Variants in SHMT2 observed in about 807,000 individuals in gnomAD.
The protein encoded by SHMT2 is serine hydroxymethyltransferase 2, also known as serine hydroxymethyltransferase, mitochondrial.
SHMT2 carries 38 observed loss-of-function variants against 59.6 expected under a neutral mutation model. The ratio of observed to expected loss-of-function variants is 0.64; its 90% CI spans 0.49 to 0.84. SHMT2 has a LOEUF of 0.84. Among genes scored for constraint, SHMT2 ranks in the 40% least tolerant of loss-of-function variants. SHMT2 has a pLI of 0.00. For missense variants in SHMT2, 533 were observed against 659.5 expected, an observed-to-expected ratio of 0.81 and a Z score of 2.10; for synonymous variants, 254 against 258.1, an observed-to-expected ratio of 0.98 and a Z score of 0.15.
At chr12:57,233,394 C>A in intron 8 of SHMT2, 49 bp downstream of exon 8, 1 of 1,547,734 alleles carries the variant, frequency 6.5e-7, no homozygotes. Context: ...GGCCTGGAGG[C>A]TTAGACCCTG....
chr12:57,230,504 G>A, intron 1 of SHMT2: 4 of 1,274,802 alleles, frequency 3.1e-6, no homozygotes, highest in Non-Finnish European at 4.0e-6. Flanking sequence ...CCTCTCTGGA[G>A]TTGGGGAGAC....
At chr12:57,233,943 C>T (rs1206265850) in intron 10 of SHMT2, 39 bp downstream of exon 10, 3 of 1,614,098 alleles carry the variant, frequency 1.9e-6, no homozygotes, top group Non-Finnish European at 2.5e-6. Context: ...GGCTCCCATG[C>T]TGGATGACTG....
Position 57,234,434 on chromosome 12 carries a change from A to G in SHMT2, c.*73A>G. ...CCCTACCTGGGCCAGTGAAATAGAA[A>G]GCCTTTCTATTTTTTGGTGCGGGAG... On this transcript the variant is annotated 3_prime_UTR_variant, in exon 12 of 12. Coordinates refer to ENST00000328923, the MANE Select transcript of SHMT2 (RefSeq NM_005412.6). The G allele has an allele frequency of 1.3e-6, 2 of 1,486,994 alleles. No homozygotes were observed. The highest frequency in any genetic ancestry group is 1.8e-6 in the Non-Finnish European group (2 of 1,115,892). The allele number at this position is 1,486,994 out of a possible 1,614,324, so 92.1% of individuals were successfully genotyped here.
intron 7 of SHMT2, 141 bp downstream of exon 7, chr12:57,232,984 C>A: frequency 7.5e-7 from 1 of 1,324,998 alleles, no homozygotes; most frequent in Non-Finnish European, 1.0e-6. Context: ...TTCTCCTTCT[C>A]TTGCCCATGG....
In SHMT2 at chr12:57,234,298, C is replaced by A; in HGVS notation, c.1452C>A (p.Asn484Lys). 1 of 1,613,834 alleles carries A rather than the reference C, an allele frequency of 6.2e-7. No homozygotes were observed. Among genetic ancestry groups the A allele is most frequent in the Non-Finnish European group, 8.5e-7 (1 of 1,179,846 alleles). ...CAGAAACAAGTCAGCGTCTGGCCAACCTCAGGCAACGGGTGGAGCAGTTTG... is the reference window on the plus strand; with the variant it reads ...CAGAAACAAGTCAGCGTCTGGCCAAACTCAGGCAACGGGTGGAGCAGTTTG... ...KDSETSQRLA[N>K]LRQRVEQFAR... The change falls in exon 12 of 12, where the codon AAC becomes AAA. Residue 484 changes from asparagine (N) to lysine (K), a missense_variant. Physicochemically the swap from Asn to Lys is moderately conservative, Grantham distance 94. Coordinates refer to ENST00000328923, the MANE Select transcript of SHMT2 (RefSeq NM_005412.6).
At position 57,234,445 on chromosome 12, in the gene SHMT2, T is replaced by A. The variant is rs770457966; in HGVS notation, c.*84T>A. 1 of 1,464,610 alleles carries A rather than the reference T, an allele frequency of 6.8e-7. No homozygotes were observed. Among genetic ancestry groups the A allele is most frequent in the Admixed American group, 2.4e-5 (1 of 41,520 alleles). The allele number at this position is 1,464,610 out of a possible 1,614,324, so 90.7% of individuals were successfully genotyped here. ...CCAGTGAAATAGAAAGCCTTTCTAT[T>A]TTTTGGTGCGGGAGGGAAGACCTCT... On this transcript the variant is annotated 3_prime_UTR_variant, in exon 12 of 12. Transcript: ENST00000328923.
At chr12:57,233,697 G>C (rs2136795001) in intron 9 of SHMT2, 35 bp downstream of exon 9, 1 of 1,612,420 alleles carries the variant, frequency 6.2e-7, no homozygotes, top group South Asian at 1.1e-5. Context: ...GGCCTCTGTA[G>C]CTTCAGGCAG....
chr12:57,231,467 C>T lies in SHMT2; in HGVS notation c.232-14C>T. On this transcript the variant is annotated splice_polypyrimidine_tract_variant and intron_variant, in intron 2 of 11. Transcript: ENST00000328923. ...GGGCTCAATACCTTCTGACATTGCC[C>T]CCCACCACCCCAGAACTTCTGCAGC... The T allele has an allele frequency of 1.9e-6, 3 of 1,613,156 alleles. No individual in the cohort carries two copies. Among genetic ancestry groups the T allele is most frequent in the Non-Finnish European group, 1.7e-6 (2 of 1,179,572 alleles).
In SHMT2 at chr12:57,233,871, C is replaced by T. The variant is rs558698064; in HGVS notation, c.1246C>T (p.Arg416Ter). ...TANKNTCPGD[R>*]SAITPGGLRL... ...CAACAAGAACACCTGTCCTGGAGAC[C>T]GAAGTGCCATCACACCGGGCGGCCT... Residue 416 changes from arginine to a stop codon, truncating the protein, a stop_gained, in exon 10 of 12, where the codon CGA (arginine) becomes TGA (stop). Coordinates refer to ENST00000328923, the MANE Select transcript of SHMT2 (RefSeq NM_005412.6). LOFTEE classifies it high-confidence loss of function. The T allele has an allele frequency of 3.7e-6, 6 of 1,614,176 alleles. No homozygotes were observed. The highest frequency in any genetic ancestry group is 1.1e-5 in the South Asian group (1 of 91,084).
rs1351199927 is a variant in SHMT2, at chr12:57,230,787, C to G, written c.34-16C>G. 1 of 1,613,254 alleles carries G rather than the reference C, an allele frequency of 6.2e-7. No homozygotes were observed. On this transcript the variant is annotated splice_polypyrimidine_tract_variant and intron_variant, in intron 1 of 11. Coordinates refer to ENST00000328923, the MANE Select transcript of SHMT2 (RefSeq NM_005412.6). Reference sequence around the variant, plus strand: ...CTGGACTGTTGTGATTTCACCCTGACTTTTCCTGCCTTCAGCCTCTGCAGA... The same window carrying G: ...CTGGACTGTTGTGATTTCACCCTGAGTTTTCCTGCCTTCAGCCTCTGCAGA...
intron 1 of SHMT2, 160 bp from the exon 2 acceptor site, chr12:57,230,643 C>T (rs2037274621): frequency 9.6e-6 from 14 of 1,454,922 alleles, no homozygotes; most frequent in Non-Finnish European, 1.3e-5. Flanking sequence ...AGCTTGGCTC[C>T]AGAACTGGCT....
In SHMT2 at chr12:57,232,554, T is replaced by A; in HGVS notation, c.696T>A (p.Ile232=). 6.2e-7 allele frequency: 1 copy of A among 1,614,170 alleles called. No homozygotes were observed. Among genetic ancestry groups the A allele is most frequent in the Non-Finnish European group, 8.5e-7 (1 of 1,180,000 alleles). ...GCACCAGCGCCTATGCTCGCCTCAT[T>A]GACTACGCCCGCATGAGAGAGGTTG... ...IAGTSAYARL[I]DYARMREVCD... The change falls in exon 6 of 12, where the codon ATT becomes ATA. Residue 232 remains isoleucine (I), a synonymous_variant. Coordinates refer to ENST00000328923, the MANE Select transcript of SHMT2 (RefSeq NM_005412.6).
chr12:57,230,186 C>T (rs1471172399), intron 1 of SHMT2: 1 of 1,292,008 alleles, frequency 7.7e-7, no homozygotes, highest in South Asian at 1.3e-5. Flanking sequence ...AACCGAGCTT[C>T]ACTGCTTGCA....
At chr12:57,229,935 G>T (rs2037243684) in intron 1 of SHMT2, 124 bp downstream of exon 1, 10 of 1,498,046 alleles carry the variant, frequency 6.7e-6, no homozygotes, top group African/African-American at 1.4e-5. Flanking sequence ...GGGCCTCAGG[G>T]AGCGGACGTG....
rs770462073 is a variant in SHMT2 at position 57,231,793 on chromosome 12, C to T, written c.392C>T (p.Pro131Leu). ...RRALEAFDLD[P>L]AQWGVNVQPY... ...GCCTTGGAAGCCTTTGACCTGGATC[C>T]TGCACAGTGGGGAGTCAATGTCCAG... The change falls in exon 4 of 12, where the codon CCT becomes CTT. Residue 131 changes from proline (P) to leucine (L), a missense_variant. Pro to Leu is a moderately conservative substitution (Grantham distance 98). Transcript: ENST00000328923. 38 of 1,614,036 alleles carry T rather than the reference C, an allele frequency of 2.4e-5. No individual in the cohort carries two copies. Among genetic ancestry groups the T allele is most frequent in the Non-Finnish European group, 3.1e-5 (36 of 1,180,014 alleles).
At position 57,230,836 on chromosome 12, in the gene SHMT2, G is replaced by A; in HGVS notation, c.67G>A (p.Ala23Thr). The change falls in exon 2 of 12, where the codon GCC (alanine) becomes ACC (threonine). Residue 23 changes from alanine (A) to threonine (T), a missense_variant. Transcript: ENST00000328923. ...LQRCGQLVRM[A>T]IRAQHSNAAQ... ...GAGATGTGGGCAGCTGGTCAGGATGGCCATTCGGGCTCAGCACAGCAACGC... is the reference window on the plus strand; with the variant it reads ...GAGATGTGGGCAGCTGGTCAGGATGACCATTCGGGCTCAGCACAGCAACGC... 1 of 1,614,150 alleles carries A rather than the reference G, an allele frequency of 6.2e-7. No individual in the cohort carries two copies. The highest frequency in any genetic ancestry group is 8.5e-7 in the Non-Finnish European group (1 of 1,180,030).
At position 57,234,341 on chromosome 12, in the gene SHMT2, C is replaced by G. The variant is rs2037465152; in HGVS notation, c.1495C>G (p.Pro499Ala). The G allele has an allele frequency of 2.5e-6, 4 of 1,606,948 alleles. No individual in the cohort carries two copies. The highest frequency in any genetic ancestry group is 2.5e-6 in the Non-Finnish European group (3 of 1,176,828). The change falls in exon 12 of 12, where the codon CCT (proline) becomes GCT (alanine). Residue 499 changes from proline (P) to alanine (A), a missense_variant. Pro to Ala is a conservative substitution (Grantham distance 27, BLOSUM62 -1). Transcript: ENST00000328923. ...GCAGTTTGCCAGGGCCTTCCCCATG[C>G]CTGGTTTTGATGAGCATTGAAGGCA... ...VEQFARAFPMPGFDEH is the reference protein window; with the variant it reads ...VEQFARAFPMAGFDEH
Position 57,229,791 on chromosome 12 carries a change from T to A in SHMT2, c.13T>A (p.Ser5Thr). Residue 5 changes from serine to threonine, a missense_variant, in exon 1 of 12, where the codon TCT becomes ACT. Ser to Thr is a moderately conservative substitution (Grantham distance 58). Coordinates refer to ENST00000328923, the MANE Select transcript of SHMT2 (RefSeq NM_005412.6). MLYF[S>T]LFWAARPLQR... is the part of the protein sequence containing the mutation. ...CTTCCGAGTTGCGATGCTGTACTTC[T>A]CTTTGTTTTGGGCGGCTCGGGTAAG... 6.2e-7 allele frequency: 1 copy of A among 1,614,212 alleles called. No homozygotes were observed. Among genetic ancestry groups the A allele is most frequent in the Non-Finnish European group, 8.5e-7 (1 of 1,180,002 alleles).
chr12:57,232,946 C>T (rs938665063), intron 7 of SHMT2, 103 bp downstream of exon 7: 1 of 1,459,990 alleles, frequency 6.8e-7, no homozygotes, highest in Non-Finnish European at 9.3e-7. Context: ...ACCTGCAGCC[C>T]TTAAGACTCC....
Sources: allele counts gnomAD v4.1 joint callset, GRCh38; gene constraint gnomAD v4.1.1; transcripts MANE v1.5; gene names NCBI Gene and HGNC (gene_info 2026-07-23, HGNC 2026-07-21).